Variants in C12orf54 observed in about 807,000 individuals in gnomAD.
The protein encoded by C12orf54 is chromosome 12 open reading frame 54, also known as uncharacterized protein C12orf54.
Under a neutral mutation model 26.4 loss-of-function variants are expected in C12orf54, and 24 were observed. The observed-to-expected ratio is 0.91, with a 90% confidence interval of 0.66 to 1.28. C12orf54 has a LOEUF of 1.28. Among genes scored for constraint, C12orf54 ranks in the 50% most tolerant of loss-of-function variants. C12orf54 has a pLI of 0.00. For synonymous variants in C12orf54, 54 were observed against 47.0 expected, an observed-to-expected ratio of 1.15 and a Z score of -0.61; for missense variants, 154 against 150.9, an observed-to-expected ratio of 1.02 and a Z score of -0.11.
chr12:48,482,901 A>G (rs562590394), intron 1 of C12orf54, among the ~76,000 whole-genome samples: 4 of 151,466 alleles, frequency 2.6e-5, no homozygotes, highest in Non-Finnish European at 5.9e-5. Flanking sequence ...CCCATCCCCA[A>G]TCTCAGCCAA....
intron 2 of C12orf54, among the ~76,000 whole-genome samples, chr12:48,485,541 G>A (rs1414195306): frequency 6.6e-6 from 1 of 152,156 alleles, no homozygotes; most frequent in Non-Finnish European, 1.5e-5. Context: ...TGGTAGAGCA[G>A]ACTGGTTGCC....
chr12:48,414,659 AAG>A, the C12orf54 span, among the ~76,000 whole-genome samples: 1 of 152,168 alleles, frequency 6.6e-6, no homozygotes, highest in Admixed American at 6.5e-5. Context: ...TGGAGAAGGA[AAG>A]AGAGTAATCT....
the C12orf54 span, among the ~76,000 whole-genome samples, chr12:48,468,110 T>C: frequency 3.9e-5 from 6 of 152,302 alleles, no homozygotes; most frequent in Non-Finnish European, 7.4e-5. Context: ...CTCATGAAGC[T>C]TACATTCCAT....
the C12orf54 span, among the ~76,000 whole-genome samples, chr12:48,418,449 A>T: frequency 6.6e-6 from 1 of 152,182 alleles, no homozygotes; most frequent in Non-Finnish European, 1.5e-5. Flanking sequence ...ATGTGTGAAG[A>T]GTAAGTTGCC....
At chr12:48,475,676 C>A in the C12orf54 span, among the ~76,000 whole-genome samples, 88 of 152,168 alleles carry the variant, frequency 5.8e-4, no homozygotes, top group East Asian at 0.017. Context: ...TGAAATGAAG[C>A]AAGAAGAGAA....
chr12:48,465,838 C>A, the C12orf54 span, among the ~76,000 whole-genome samples: 157 of 152,278 alleles, frequency 1.0e-3, no homozygotes, highest in African/African-American at 3.7e-3. Flanking sequence ...CACATGTTCT[C>A]ACTTACAAGT....
the C12orf54 span, among the ~76,000 whole-genome samples, chr12:48,439,503 G>A: frequency 0.043 from 6,475 of 152,244 alleles, 470 homozygotes; most frequent in African/African-American, 0.15. Context: ...TAACCCAAAT[G>A]TCCAACAATG....
upstream of C12orf54, among the ~76,000 whole-genome samples, chr12:48,479,673 C>T (rs1162850282): frequency 1.3e-5 from 2 of 151,442 alleles, no homozygotes; most frequent in African/African-American, 4.9e-5. Context: ...TAGTGGAAAT[C>T]TGAAATGATT....
the C12orf54 span, among the ~76,000 whole-genome samples, chr12:48,434,366 A>G: frequency 2.6e-5 from 4 of 152,192 alleles, no homozygotes; most frequent in African/African-American, 9.6e-5. Context: ...AGACAGCAAT[A>G]ACCTCTGCAG....
At chr12:48,470,121 G>A in the C12orf54 span, among the ~76,000 whole-genome samples, 9 of 152,150 alleles carry the variant, frequency 5.9e-5, no homozygotes, top group Non-Finnish European at 8.8e-5. Flanking sequence ...TTGATTCCAT[G>A]TCTTTACTAC....
At chr12:48,483,796 G>A (rs1954226671) in intron 2 of C12orf54, among the ~76,000 whole-genome samples, 1 of 152,200 alleles carries the variant, frequency 6.6e-6, no homozygotes, top group Non-Finnish European at 1.5e-5. Context: ...AGTCAGAAAA[G>A]AAGGAGGGTT....
At chr12:48,475,195 T>C in the C12orf54 span, among the ~76,000 whole-genome samples, 22 of 152,092 alleles carry the variant, frequency 1.4e-4, no homozygotes, top group Non-Finnish European at 3.2e-4. Flanking sequence ...TCCTGTCTGT[T>C]AGAAGGAAAA....
the C12orf54 span, among the ~76,000 whole-genome samples, chr12:48,462,396 C>A: frequency 6.6e-6 from 1 of 151,230 alleles, no homozygotes; most frequent in Non-Finnish European, 1.5e-5. Flanking sequence ...TTTTGTGATG[C>A]CAACATTATT....
upstream of C12orf54, among the ~76,000 whole-genome samples, chr12:48,477,961 C>A (rs1035772159): frequency 1.3e-5 from 2 of 152,160 alleles, no homozygotes; most frequent in African/African-American, 4.8e-5. Flanking sequence ...GAAATTTAGA[C>A]CAATATCCTT....
chr12:48,436,772 T>G, the C12orf54 span, among the ~76,000 whole-genome samples: 1 of 152,154 alleles, frequency 6.6e-6, no homozygotes, highest in African/African-American at 2.4e-5. Flanking sequence ...AGAGGGAAAT[T>G]TATAGCACTA....
the C12orf54 span, among the ~76,000 whole-genome samples, chr12:48,427,526 A>C: frequency 1.3e-5 from 2 of 151,808 alleles, no homozygotes; most frequent in Non-Finnish European, 2.9e-5. Flanking sequence ...AAGGATATTG[A>C]CCTGAAGCTT....
At chr12:48,447,212 C>CTGTGTGTATGTG in the C12orf54 span, among the ~76,000 whole-genome samples, 4,377 of 90,978 alleles carry the variant, frequency 0.048, 137 homozygotes, top group African/African-American at 0.083. Flanking sequence ...CTCTCTTACT[C>CTGTGTGTATGTG]TGTGTGTGTG....
chr12:48,451,803 A>G, the C12orf54 span, among the ~76,000 whole-genome samples: 134,041 of 152,192 alleles, frequency 0.88, 59,093 homozygotes, highest in East Asian at 0.97. Context: ...ACTTCTTCAA[A>G]GAGAACTGCA....
chr12:48,437,163 A>C, the C12orf54 span, among the ~76,000 whole-genome samples: 2 of 152,364 alleles, frequency 1.3e-5, no homozygotes, highest in East Asian at 3.9e-4. Context: ...GAAATGGATA[A>C]ATTCCTGGAC....
Sources: gnomAD v4.1 joint callset for allele counts (sites outside exome capture counted in the v4.1 genomes callset) on GRCh38, gnomAD v4.1.1 for gene constraint, MANE v1.5 for transcripts, NCBI Gene and HGNC (gene_info 2026-07-23, HGNC 2026-07-21) for gene names.